Variants in TNN observed in about 807,000 individuals in gnomAD.
TNN encodes tenascin-N.
A neutral mutation model predicts 134.4 loss-of-function variants in TNN; 122 were observed. The ratio of observed to expected loss-of-function variants is 0.91; its 90% CI spans 0.78 to 1.06. TNN has a LOEUF of 1.06. TNN is among the 50% of genes least tolerant of loss of function. The pLI, the probability that TNN is intolerant of heterozygous loss-of-function variation, is 0.00. For synonymous variants in TNN, 710 were observed against 670.3 expected, an observed-to-expected ratio of 1.06 and a Z score of -0.91; for missense variants, 1,739 against 1,699.4, an observed-to-expected ratio of 1.02 and a Z score of -0.41.
chr1:175,071,043 C>G (rs779355854), intron 1 of TNN, among the ~76,000 whole-genome samples: 1 of 152,224 alleles, frequency 6.6e-6, no homozygotes, highest in Non-Finnish European at 1.5e-5. Flanking sequence ...GATATCCACC[C>G]TGTCATTTGG....
In TNN at chr1:175,098,603, G is replaced by A. The variant is rs1674636829; in HGVS notation, c.2119+8G>A. ...ACACCAAGGCCCAGACAGGTAAGGAGTGTGCATTATTGCTGTGCCGATGCC... is the reference window on the plus strand; with the variant it reads ...ACACCAAGGCCCAGACAGGTAAGGAATGTGCATTATTGCTGTGCCGATGCC... On this transcript the variant is annotated splice_region_variant and intron_variant, in intron 9 of 18. Coordinates refer to ENST00000239462, the MANE Select transcript of TNN (RefSeq NM_022093.2). 3 of 1,613,998 alleles carry A rather than the reference G, an allele frequency of 1.9e-6. No individual in the cohort carries two copies. The East Asian group carries it at 6.7e-5, about 36-fold the overall frequency.
intron 17 of TNN, among the ~76,000 whole-genome samples, chr1:175,141,488 AAG>A (rs1675943879): frequency 6.6e-6 from 1 of 152,188 alleles, no homozygotes; most frequent in African/African-American, 2.4e-5. Flanking sequence ...GCACCTGAAA[AAG>A]AAAAAAAAAA....
intron 18 of TNN, 48 bp from the exon 19 acceptor site, chr1:175,146,883 C>T (rs767012534): frequency 1.4e-6 from 2 of 1,480,832 alleles, no homozygotes; most frequent in South Asian, 2.8e-5. Flanking sequence ...ACCCTGCCCT[C>T]CTCCTAAGAG....
At chr1:175,097,791 C>A in intron 8 of TNN, 108 bp downstream of exon 8, 3 of 1,444,756 alleles carry the variant, frequency 2.1e-6, no homozygotes, top group South Asian at 1.4e-5. Flanking sequence ...AATTAGAAGT[C>A]TTAAAGATGA....
chr1:175,087,874 T>G (rs1674354714), intron 6 of TNN, among the ~76,000 whole-genome samples: 1 of 152,210 alleles, frequency 6.6e-6, no homozygotes, highest in Admixed American at 6.5e-5. Flanking sequence ...TTCCATTAAT[T>G]TGCTAGAGCA....
chr1:175,126,015 CCTT>C (rs1031078867), intron 12 of TNN, among the ~76,000 whole-genome samples: 1 of 150,282 alleles, frequency 6.7e-6, no homozygotes, highest in Admixed American at 6.7e-5. Flanking sequence ...CTTGCCTTCT[CCTT>C]CTCTTCTTTC....
chr1:175,134,077 A>G (rs574250889), intron 15 of TNN, among the ~76,000 whole-genome samples: 2 of 152,320 alleles, frequency 1.3e-5, no homozygotes, highest in East Asian at 1.9e-4. Flanking sequence ...AGGAAAGTGA[A>G]CTGAGACTCA....
intron 9 of TNN, among the ~76,000 whole-genome samples, chr1:175,100,940 G>A (rs1002610648): frequency 4.6e-5 from 7 of 152,196 alleles, no homozygotes; most frequent in African/African-American, 1.4e-4. Flanking sequence ...TGCATGCAAT[G>A]TGTGATGATC....
intron 17 of TNN, among the ~76,000 whole-genome samples, chr1:175,138,279 T>C (rs976272646): frequency 2.6e-5 from 4 of 152,246 alleles, no homozygotes; most frequent in African/African-American, 7.2e-5. Flanking sequence ...TTGCATTTGT[T>C]CTTGTTTCCC....
Position 175,077,676 on chromosome 1 carries a change from C to A in TNN, c.258C>A (p.Phe86Leu). Residue 86 changes from phenylalanine (F) to leucine (L), a missense_variant, in exon 2 of 19, where the codon TTC (phenylalanine) becomes TTA (leucine). Phe to Leu is a conservative substitution (Grantham distance 22, BLOSUM62 0). Transcript: ENST00000239462. ...CCAGGGAGGAACAGAACATCATCTT[C>A]AGGCACAACATCCGCCTTCAGACGC... ...GEAREEQNII[F>L]RHNIRLQTPQ... The A allele has an allele frequency of 6.2e-7, 1 of 1,614,252 alleles. No homozygotes were observed. Among genetic ancestry groups the A allele is most frequent in the South Asian group, 1.1e-5 (1 of 91,090 alleles).
At chr1:175,140,694 A>G (rs1445027066) in intron 17 of TNN, among the ~76,000 whole-genome samples, 1 of 152,202 alleles carries the variant, frequency 6.6e-6, no homozygotes, top group Non-Finnish European at 1.5e-5. Flanking sequence ...TAGAGGATGT[A>G]TTTTTTAATA....
intron 15 of TNN, among the ~76,000 whole-genome samples, chr1:175,132,098 T>C (rs7529212): frequency 0.65 from 98,413 of 151,628 alleles, 32,777 homozygotes; most frequent in African/African-American, 0.72. Flanking sequence ...ACACGATGTA[T>C]GTGGAGCCAT....
chr1:175,090,101 C>T (rs1674406983), intron 6 of TNN, among the ~76,000 whole-genome samples: 1 of 152,150 alleles, frequency 6.6e-6, no homozygotes, highest in Non-Finnish European at 1.5e-5. Context: ...CTTATAATAT[C>T]AATAGGATTG....
rs143132527 is a variant in TNN at position 175,080,360 on chromosome 1, A to C, written c.982A>C (p.Ile328Leu). 7.4e-6 allele frequency: 12 copies of C among 1,614,142 alleles called. No individual in the cohort carries two copies. The highest frequency in any genetic ancestry group is 1.0e-5 in the Non-Finnish European group (12 of 1,180,014). The change falls in exon 4 of 19, where the codon ATA (isoleucine) becomes CTA (leucine). Residue 328 changes from isoleucine (I) to leucine (L), a missense_variant. By Grantham distance (5) the Ile-to-Leu change is conservative. Coordinates refer to ENST00000239462, the MANE Select transcript of TNN (RefSeq NM_022093.2). ...ILGLLPGTKY[I>L]VTLRNVKNEV... is the part of the protein sequence containing the mutation. ...TGGTTTGCTGCCTGGAACCAAGTAC[A>C]TAGTCACCCTGCGTAACGTCAAGAA...
chr1:175,116,796 A>G (rs1675189525), intron 9 of TNN, 143 bp from the exon 10 acceptor site: 3 of 1,136,676 alleles, frequency 2.6e-6, no homozygotes, highest in Admixed American at 2.1e-5. Flanking sequence ...GATAAGGTCT[A>G]TATCCATGAA....
intron 4 of TNN, among the ~76,000 whole-genome samples, chr1:175,083,437 G>A (rs1169553829): frequency 1.3e-5 from 2 of 152,202 alleles, no homozygotes; most frequent in African/African-American, 4.8e-5. Context: ...GAGTGGTTTG[G>A]GTGGCCAACC....
intron 2 of TNN, 51 bp from the exon 3 acceptor site, chr1:175,079,282 C>G (rs750714410): frequency 9.9e-6 from 15 of 1,512,156 alleles, no homozygotes; most frequent in Admixed American, 6.2e-5. Context: ...GGAAGGAGAT[C>G]CCCACGCACA....
intron 1 of TNN, among the ~76,000 whole-genome samples, chr1:175,072,066 G>A (rs1196322720): frequency 6.6e-6 from 1 of 152,170 alleles, no homozygotes; most frequent in Admixed American, 6.5e-5. Flanking sequence ...TAAAGCCACA[G>A]GGGTAGATGC....
intron 9 of TNN, among the ~76,000 whole-genome samples, chr1:175,109,070 G>GTCTTTTT (rs1338891175): frequency 1.1e-5 from 1 of 88,344 alleles, no homozygotes; most frequent in Non-Finnish European, 2.1e-5. Context: ...CTATCTAACT[G>GTCTTTTT]TATTTTTTTT....
Sources: gnomAD v4.1 joint callset for allele counts (sites outside exome capture counted in the v4.1 genomes callset) on GRCh38, gnomAD v4.1.1 for gene constraint, MANE v1.5 for transcripts, NCBI Gene and HGNC (gene_info 2026-07-23, HGNC 2026-07-21) for gene names.